DCPS: variants seen among roughly 807,000 people sequenced by gnomAD.
DCPS encodes m7GpppX diphosphatase.
In DCPS, 27 loss-of-function variants were observed where a neutral mutation model predicts 34.7. The observed-to-expected ratio is 0.78, with a 90% CI of 0.57 to 1.07. The LOEUF (loss-of-function observed/expected upper bound fraction) is 1.07. Ranked by LOEUF, DCPS falls within the 50% of genes least tolerant of loss-of-function variation. DCPS has a pLI of 0.00. For synonymous variants in DCPS, 185 were observed against 185.7 expected (o/e 1.00, Z 0.03); for missense variants, 464 against 436.9 (o/e 1.06, Z -0.55).
At chr11:126,310,074 C>T (rs1951608416) in intron 2 of DCPS, among the ~76,000 whole-genome samples, 1 of 152,206 alleles carries the variant, frequency 6.6e-6, no homozygotes, top group Non-Finnish European at 1.5e-5. Context: ...TTCGCACCAC[C>T]TGGGAGTCTG....
At position 126,349,024 on chromosome 11, in the gene DCPS, CAT is replaced by C. The variant is rs1236398962; in HGVS notation, c.*3412_*3413del. On this transcript the variant is annotated 3_prime_UTR_variant, in exon 6 of 6. Transcript: ENST00000263579. The surrounding 1 kb of genome is among the most constrained non-coding windows in gnomAD (Gnocchi z 5.4). The stretch of plus-strand genomic sequence containing the variant: ...GACTCACCTATAAGTGCTCAAAAAA[CAT>C]GTGGCGAATGGAGGACCAGAGCTAG... 6.6e-5 allele frequency among the ~76,000 whole-genome samples: 10 copies of C among 152,308 alleles called. No homozygotes were observed. Among genetic ancestry groups the C allele is most frequent in the African/African-American group, 1.4e-4 (6 of 41,562 alleles).
Position 126,304,236 on chromosome 11 carries a change from G to A in DCPS, c.156G>A (p.Val52=). 1 of 1,614,250 alleles carries A rather than the reference G, an allele frequency of 6.2e-7. No homozygotes were observed. The highest frequency in any genetic ancestry group is 8.5e-7 in the Non-Finnish European group (1 of 1,180,048). The change falls in exon 1 of 6, where the codon GTG becomes GTA. Residue 52 remains valine, a synonymous_variant. Transcript: ENST00000263579. ...TCTCCGGCTTCAGACTGCAGAAGGT[G>A]CTGAGGGAGTCTGCGCGGGACAAAA... ...LPFSGFRLQK[V]LRESARDKII...
Position 126,335,855 on chromosome 11 carries a change from G to A in DCPS, c.523-2431G>A, listed in dbSNP as rs1951828420. Among the ~76,000 whole-genome samples, 5 of 152,204 alleles carry A rather than the reference G, an allele frequency of 3.3e-5. No homozygotes were observed. Among genetic ancestry groups the A allele is most frequent in the Admixed American group, 2.0e-4 (3 of 15,280 alleles). On this transcript the variant is annotated intron_variant, in intron 3 of 5. Coordinates refer to ENST00000263579, the MANE Select transcript of DCPS (RefSeq NM_014026.6). The surrounding 1 kb of genome is among the most constrained non-coding windows in gnomAD (Gnocchi z 4.8). ...CAGGAGAATCACTTGAACCTGGGAG[G>A]TGGAGGTTGCAGTGAGCTGAGATCA... is the stretch of plus-strand genomic sequence containing the variant.
Position 126,319,973 on chromosome 11 carries a change from T to G in DCPS, c.377-11432T>G, listed in dbSNP as rs1951691865. Reference sequence around the variant, plus strand: ...ATAACTCCATCATCCAGGATTGATCTCTCTTAACATCTCAGAGTATGTCCT... The same window carrying G: ...ATAACTCCATCATCCAGGATTGATCGCTCTTAACATCTCAGAGTATGTCCT... On this transcript the variant is annotated intron_variant, in intron 2 of 5. Transcript: ENST00000263579. The surrounding 1 kb of genome is among the most constrained non-coding windows in gnomAD (Gnocchi z 4.5). 6.6e-6 allele frequency among the ~76,000 whole-genome samples: 1 copy of G among 151,298 alleles called. No homozygotes were observed. Among genetic ancestry groups the G allele is most frequent in the Admixed American group, 6.6e-5 (1 of 15,058 alleles).
In DCPS at chr11:126,347,503, C is replaced by T. The variant is rs1465640156; in HGVS notation, c.*1890C>T. Among the ~76,000 whole-genome samples, 2 of 152,162 alleles carry T rather than the reference C, an allele frequency of 1.3e-5. No homozygotes were observed. The highest frequency in any genetic ancestry group is 2.9e-5 in the Non-Finnish European group (2 of 68,036). On this transcript the variant is annotated 3_prime_UTR_variant, in exon 6 of 6. Coordinates refer to ENST00000263579, the MANE Select transcript of DCPS (RefSeq NM_014026.6). This position sits in a 1 kb window ranked among gnomAD's most constrained non-coding sequence, Gnocchi z 4.2. Reference sequence around the variant, plus strand: ...CCTCCCAAAGTGCTGGGATTCCAGGCGTGAGCCACCGCGCCCAGCCCCTGC... The same window carrying T: ...CCTCCCAAAGTGCTGGGATTCCAGGTGTGAGCCACCGCGCCCAGCCCCTGC...
intron 2 of DCPS, among the ~76,000 whole-genome samples, chr11:126,309,376 C>G (rs1268984328): frequency 6.6e-6 from 1 of 152,224 alleles, no homozygotes; most frequent in South Asian, 2.1e-4. Flanking sequence ...TTCCAGGACT[C>G]TCCTTGGATA....
Position 126,312,487 on chromosome 11 carries a change from C to T in DCPS, c.376+5743C>T, listed in dbSNP as rs1476496182. On this transcript the variant is annotated intron_variant, in intron 2 of 5. Coordinates refer to ENST00000263579, the MANE Select transcript of DCPS (RefSeq NM_014026.6). This position sits in a 1 kb window ranked among gnomAD's most constrained non-coding sequence, Gnocchi z 5.1. Reference sequence around the variant, plus strand: ...CTGAGTAGCTGGGACTACAGGCACCCGCCACCACACCCAGCTAATTTTTTT... The same window carrying T: ...CTGAGTAGCTGGGACTACAGGCACCTGCCACCACACCCAGCTAATTTTTTT... 6.6e-6 allele frequency among the ~76,000 whole-genome samples: 1 copy of T among 151,864 alleles called. No homozygotes were observed. The highest frequency in any genetic ancestry group is 1.5e-5 in the Non-Finnish European group (1 of 67,972).
In DCPS at chr11:126,338,422, T is replaced by C; in HGVS notation, c.636+23T>C. 2.5e-6 allele frequency: 4 copies of C among 1,605,980 alleles called. No individual in the cohort carries two copies. Among genetic ancestry groups the C allele is most frequent in the Non-Finnish European group, 3.4e-6 (4 of 1,172,524 alleles). On this transcript the variant is annotated intron_variant, in intron 4 of 5. Coordinates refer to ENST00000263579, the MANE Select transcript of DCPS (RefSeq NM_014026.6). The surrounding 1 kb of genome is among the most constrained non-coding windows in gnomAD (Gnocchi z 5.4). ...CAGGTAAAGGTTTCTGGCTGGAATG[T>C]CCTGATCTCTGGCCACCCTGCTGTA...
chr11:126,345,372 T>G lies in DCPS; in HGVS notation c.773T>G (p.Met258Arg). Residue 258 changes from methionine (M) to arginine (R), a missense_variant, in exon 6 of 6, where the codon ATG becomes AGG. Physicochemically the swap from Met to Arg is moderately conservative, Grantham distance 91. Coordinates refer to ENST00000263579, the MANE Select transcript of DCPS (RefSeq NM_014026.6). This position sits in a 1 kb window ranked among gnomAD's most constrained non-coding sequence, Gnocchi z 7.4. The stretch of plus-strand genomic sequence containing the variant: ...GAGGCCATCCTGCAGCGCTACCGGA[T>G]GAAGGGAGACCATCTGCGAGTATAC... The part of the protein sequence containing the change: ...GQEAILQRYR[M>R]KGDHLRVYLH... 6.2e-7 allele frequency: 1 copy of G among 1,614,100 alleles called. No individual in the cohort carries two copies.
chr11:126,338,360 T>C lies in DCPS; in HGVS notation c.597T>C (p.Gly199=), dbSNP rs748671575. 7 of 1,613,972 alleles carry C rather than the reference T, an allele frequency of 4.3e-6. No homozygotes were observed. In the African/African-American group the frequency reaches 9.3e-5, roughly 22 times the overall value. Residue 199 remains glycine, a synonymous_variant, in exon 4 of 6, where the codon GGT becomes GGC. Coordinates refer to ENST00000263579, the MANE Select transcript of DCPS (RefSeq NM_014026.6). This position sits in a 1 kb window ranked among gnomAD's most constrained non-coding sequence, Gnocchi z 5.4. The part of the protein sequence containing the change: ...IVFENPDPSD[G]FVLIPDLKWN... ...TCGAGAACCCAGATCCCTCTGATGG[T>C]TTTGTCCTCATCCCTGACCTCAAGT...
intron 2 of DCPS, among the ~76,000 whole-genome samples, chr11:126,318,548 T>G (rs747663070): frequency 6.6e-6 from 1 of 152,194 alleles, no homozygotes; most frequent in Non-Finnish European, 1.5e-5. Context: ...CTCTCGTTCT[T>G]TCAGGCTTTC....
Position 126,332,466 on chromosome 11 carries a change from T to C in DCPS, c.522+916T>C, listed in dbSNP as rs116883661. Among the ~76,000 whole-genome samples, 4,090 of 152,338 alleles carry C rather than the reference T, an allele frequency of 0.027. 250 individuals carry two copies. The highest frequency in any genetic ancestry group is 0.13 in the Admixed American group (2,039 of 15,298). Reference sequence around the variant, plus strand: ...GTCTTTATCACTCACCCTTGTTCTCTTCGAGCATTTCTCACTTTTCTCCCC... The same window carrying C: ...GTCTTTATCACTCACCCTTGTTCTCCTCGAGCATTTCTCACTTTTCTCCCC... On this transcript the variant is annotated intron_variant, in intron 3 of 5. Transcript: ENST00000263579. The surrounding 1 kb of genome is among the most constrained non-coding windows in gnomAD (Gnocchi z 5.4).
Position 126,329,916 on chromosome 11 carries a change from G to C in DCPS, c.377-1489G>C, listed in dbSNP as rs561162202. On this transcript the variant is annotated intron_variant, in intron 2 of 5. Coordinates refer to ENST00000263579, the MANE Select transcript of DCPS (RefSeq NM_014026.6). This position sits in a 1 kb window ranked among gnomAD's most constrained non-coding sequence, Gnocchi z 5.0. ...CGGGTTTCCCTGGGAGAGCCTATCC[G>C]AACCCAGATTAAGAAAGTCAGAGGG... 1.3e-5 allele frequency among the ~76,000 whole-genome samples: 2 copies of C among 152,116 alleles called. No individual in the cohort carries two copies. The highest frequency in any genetic ancestry group is 1.9e-4 in the East Asian group (1 of 5,190).
rs571514403 is a variant in DCPS, at chr11:126,328,805, G to C, written c.377-2600G>C. Among the ~76,000 whole-genome samples the C allele has an allele frequency of 3.9e-4, 59 of 152,298 alleles. No homozygotes were observed. Among genetic ancestry groups the C allele is most frequent in the African/African-American group, 1.3e-3 (54 of 41,576 alleles). On this transcript the variant is annotated intron_variant, in intron 2 of 5. Coordinates refer to ENST00000263579, the MANE Select transcript of DCPS (RefSeq NM_014026.6). The surrounding 1 kb of genome is among the most constrained non-coding windows in gnomAD (Gnocchi z 6.6). The stretch of plus-strand genomic sequence containing the variant: ...CAGCGGAGAGAATCCAAGCTAGCCT[G>C]GGGGGAGCGCTTTTCTCCATGTGAG...
In DCPS at chr11:126,348,216, T is replaced by G. The variant is rs1014580478; in HGVS notation, c.*2603T>G. On this transcript the variant is annotated 3_prime_UTR_variant, in exon 6 of 6. Coordinates refer to ENST00000263579, the MANE Select transcript of DCPS (RefSeq NM_014026.6). The surrounding 1 kb of genome is among the most constrained non-coding windows in gnomAD (Gnocchi z 5.3). Reference sequence around the variant, plus strand: ...AGGGCATGGAGACAGGGACCCACACTCTGGAAGGTTTCTCGACTCCCCCGA... The same window carrying G: ...AGGGCATGGAGACAGGGACCCACACGCTGGAAGGTTTCTCGACTCCCCCGA... Among the ~76,000 whole-genome samples, 3 of 152,042 alleles carry G rather than the reference T, an allele frequency of 2.0e-5. No homozygotes were observed. Among genetic ancestry groups the G allele is most frequent in the African/African-American group, 7.2e-5 (3 of 41,396 alleles).
At chr11:126,330,962 C>T (rs1951785545) in intron 2 of DCPS, among the ~76,000 whole-genome samples, 2 of 151,770 alleles carry the variant, frequency 1.3e-5, no homozygotes, top group Admixed American at 1.3e-4. Context: ...TCTCGAACTC[C>T]TGACCTCAGG....
At position 126,320,121 on chromosome 11, in the gene DCPS, A is replaced by G. The variant is rs1417051550; in HGVS notation, c.377-11284A>G. Among the ~76,000 whole-genome samples the G allele has an allele frequency of 6.6e-6, 1 of 151,506 alleles. No homozygotes were observed. Among genetic ancestry groups the G allele is most frequent in the Non-Finnish European group, 1.5e-5 (1 of 67,932 alleles). ...AGGCTGGTCTCAAACTCCTGACCTCAAGTGATCCACCTGCCTCAGCCTCTC... is the reference window on the plus strand; with the variant it reads ...AGGCTGGTCTCAAACTCCTGACCTCGAGTGATCCACCTGCCTCAGCCTCTC... On this transcript the variant is annotated intron_variant, in intron 2 of 5. Transcript: ENST00000263579. The surrounding 1 kb of genome is among the most constrained non-coding windows in gnomAD (Gnocchi z 4.7).
intron 2 of DCPS, among the ~76,000 whole-genome samples, chr11:126,321,116 A>T (rs1306145805): frequency 6.6e-6 from 1 of 152,100 alleles, no homozygotes; most frequent in Non-Finnish European, 1.5e-5. Context: ...TTAGCCAGGC[A>T]TGGTGGTGCA....
At position 126,304,136 on chromosome 11, in the gene DCPS, A is replaced by C. The variant is rs749768260; in HGVS notation, c.56A>C (p.Glu19Ala). 6.2e-6 allele frequency: 10 copies of C among 1,614,006 alleles called. No homozygotes were observed. Among genetic ancestry groups the C allele is most frequent in the South Asian group, 1.1e-5 (1 of 91,076 alleles). The change falls in exon 1 of 6, where the codon GAG becomes GCG. Residue 19 changes from glutamate (E) to alanine (A), a missense_variant. Transcript: ENST00000263579. ...GKRKRELDVE[E>A]AHAASTEEKE... ...AGGAAGCGCGAATTGGACGTGGAGG[A>C]GGCCCACGCCGCCAGCACAGAGGAA...
Sources: gnomAD v4.1 joint callset for allele counts (sites outside exome capture counted in the v4.1 genomes callset) on GRCh38, gnomAD v4.1.1 for gene constraint, Gnocchi (gnomAD v3.1) non-coding constraint, MANE v1.5 for transcripts, NCBI Gene and HGNC (gene_info 2026-07-23, HGNC 2026-07-21) for gene names.